The following HS3ST4 variants were observed in gnomAD, a reference collection of about 807,000 sequenced individuals.
The protein encoded by HS3ST4 is heparan sulfate glucosamine 3-O-sulfotransferase 4.
Under a neutral mutation model 29.2 loss-of-function variants are expected in HS3ST4, and 17 were observed. The ratio of observed to expected loss-of-function variants is 0.58; its 90% CI spans 0.40 to 0.87. HS3ST4 has a LOEUF of 0.87. Among genes scored for constraint, HS3ST4 ranks in the 40% least tolerant of loss-of-function variants. The pLI is 0.00. For synonymous variants in HS3ST4, 314 were observed against 285.7 expected, an observed-to-expected ratio of 1.10 and a Z score of -1.00; for missense variants, 627 against 634.5, an observed-to-expected ratio of 0.99 and a Z score of 0.13.
At chr16:25,923,288 C>G (rs1180681510) in intron 1 of HS3ST4, among the ~76,000 whole-genome samples, 1 of 152,068 alleles carries the variant, frequency 6.6e-6, no homozygotes. Context: ...TGGAAGATAC[C>G]CAAGGCTATA....
At chr16:26,133,163 T>C (rs1899442500) in intron 1 of HS3ST4, among the ~76,000 whole-genome samples, 1 of 152,170 alleles carries the variant, frequency 6.6e-6, no homozygotes. Flanking sequence ...CTGTAAGAAT[T>C]ACTGTAAGAA....
intron 1 of HS3ST4, among the ~76,000 whole-genome samples, chr16:25,760,133 TCTAACC>T (rs1251242502): frequency 2.0e-5 from 3 of 151,122 alleles, no homozygotes; most frequent in Admixed American, 6.6e-5. Flanking sequence ...TAACCCTAAC[TCTAACC>T]CTAACCCTAA....
intron 1 of HS3ST4, among the ~76,000 whole-genome samples, chr16:25,726,863 T>C (rs998704298): frequency 1.3e-5 from 2 of 152,202 alleles, no homozygotes; most frequent in African/African-American, 4.8e-5. Context: ...ATTTCTCACA[T>C]ATGCTGCCAA....
At chr16:25,996,621 A>G (rs1205989353) in intron 1 of HS3ST4, among the ~76,000 whole-genome samples, 1 of 152,116 alleles carries the variant, frequency 6.6e-6, no homozygotes, top group African/African-American at 2.4e-5. Context: ...TTTTCCCCCA[A>G]TCTATTTATT....
At chr16:25,933,706 G>A (rs909318708) in intron 1 of HS3ST4, among the ~76,000 whole-genome samples, 1 of 152,186 alleles carries the variant, frequency 6.6e-6, no homozygotes, top group African/African-American at 2.4e-5. Context: ...CATGGTGCTG[G>A]CATATGTGTC....
At chr16:25,891,550 G>A (rs1330848276) in intron 1 of HS3ST4, among the ~76,000 whole-genome samples, 1 of 152,148 alleles carries the variant, frequency 6.6e-6, no homozygotes, top group African/African-American at 2.4e-5. Flanking sequence ...TTTGGTCTCT[G>A]TGTCGAGACT....
chr16:26,086,805 C>T (rs1298727818), intron 1 of HS3ST4, among the ~76,000 whole-genome samples: 1 of 152,224 alleles, frequency 6.6e-6, no homozygotes, highest in Non-Finnish European at 1.5e-5. Flanking sequence ...TGATTAGTCT[C>T]TGAATGTGTC....
intron 1 of HS3ST4, among the ~76,000 whole-genome samples, chr16:25,740,882 A>T (rs1966647220): frequency 6.6e-6 from 1 of 152,130 alleles, no homozygotes. Flanking sequence ...TTACTTTTTA[A>T]TCTTATTTGC....
chr16:25,913,620 T>G (rs1968260658), intron 1 of HS3ST4, among the ~76,000 whole-genome samples: 1 of 152,202 alleles, frequency 6.6e-6, no homozygotes, highest in South Asian at 2.1e-4. Flanking sequence ...TGTTAACTCT[T>G]GAAAGGTGAA....
intron 1 of HS3ST4, among the ~76,000 whole-genome samples, chr16:25,828,301 CCTCTCTCTCTCTCTCTCT>C (rs1196055715): frequency 9.1e-5 from 3 of 32,898 alleles, no homozygotes; most frequent in East Asian, 9.9e-4. Flanking sequence ...TCTTTCTTTC[CCTCTCTCTCTCTCTCTCT>C]CTCTCTCTCT....
At chr16:26,028,272 C>CAAAAAAAAAAAA (rs57920476) in intron 1 of HS3ST4, among the ~76,000 whole-genome samples, 1 of 48,648 alleles carries the variant, frequency 2.1e-5, no homozygotes, top group African/African-American at 6.8e-5. Flanking sequence ...GACACCGTCT[C>CAAAAAAAAAAAA]AAAAAAAAAA....
At chr16:25,874,019 ACT>A (rs34919123) in intron 1 of HS3ST4, among the ~76,000 whole-genome samples, 49,960 of 151,602 alleles carry the variant, frequency 0.33, 8,810 homozygotes, top group African/African-American at 0.43. Flanking sequence ...CTTATCAAAC[ACT>A]CTCATCGCAC....
chr16:25,749,785 T>A (rs1966707711), intron 1 of HS3ST4, among the ~76,000 whole-genome samples: 1 of 152,214 alleles, frequency 6.6e-6, no homozygotes, highest in Non-Finnish European at 1.5e-5. Context: ...TTGTTGTTTT[T>A]ATTATCGTTT....
intron 1 of HS3ST4, among the ~76,000 whole-genome samples, chr16:25,989,023 T>C (rs1969090475): frequency 6.6e-6 from 1 of 152,160 alleles, no homozygotes. Flanking sequence ...AAAGCTCCAC[T>C]GGTATGGTGT....
chr16:26,078,339 A>C (rs1898689940), intron 1 of HS3ST4, among the ~76,000 whole-genome samples: 2 of 152,108 alleles, frequency 1.3e-5, no homozygotes, highest in African/African-American at 2.4e-5. Flanking sequence ...TAGTAGAGAC[A>C]GGGTTTTACC....
In HS3ST4 at chr16:25,889,585, G is replaced by T. The variant is rs952027705; in HGVS notation, c.734+196434G>T. ...AGGGATTCTTCATGCTGTAAGTTGAGATTTCAGGGTGGTTTTTCTAGAATG... is the reference window on the plus strand; with the variant it reads ...AGGGATTCTTCATGCTGTAAGTTGATATTTCAGGGTGGTTTTTCTAGAATG... On this transcript the variant is annotated intron_variant, in intron 1 of 1. Transcript: ENST00000331351. 3.3e-5 allele frequency among the ~76,000 whole-genome samples: 5 copies of T among 152,200 alleles called. No individual in the cohort carries two copies. The East Asian group carries it at 9.6e-4, about 29-fold the overall frequency.
intron 1 of HS3ST4, among the ~76,000 whole-genome samples, chr16:25,724,723 G>A (rs752560135): frequency 2.6e-5 from 4 of 152,162 alleles, no homozygotes; most frequent in Non-Finnish European, 4.4e-5. Flanking sequence ...ACCTGAACCC[G>A]AAGTAGAGCT....
intron 1 of HS3ST4, among the ~76,000 whole-genome samples, chr16:26,052,529 C>T (rs1898360040): frequency 6.6e-6 from 1 of 152,126 alleles, no homozygotes; most frequent in South Asian, 2.1e-4. Context: ...CACCACCACG[C>T]CTGGCTAATT....
At chr16:26,124,046 G>T (rs374019414) in intron 1 of HS3ST4, among the ~76,000 whole-genome samples, 1 of 151,812 alleles carries the variant, frequency 6.6e-6, no homozygotes, top group Non-Finnish European at 1.5e-5. Flanking sequence ...TCAGCCTCCC[G>T]AGTAGCTGGG....
Sources: gnomAD v4.1 joint callset for allele counts (sites outside exome capture counted in the v4.1 genomes callset) on GRCh38, gnomAD v4.1.1 for gene constraint, MANE v1.5 for transcripts, NCBI Gene and HGNC (gene_info 2026-07-23, HGNC 2026-07-21) for gene names.